GLIS3: variants seen among roughly 807,000 people sequenced by gnomAD.
The protein encoded by GLIS3 is GLIS family zinc finger 3, also known as zinc finger protein GLIS3.
GLIS3 carries 53 observed loss-of-function variants against 78.6 expected under a neutral mutation model. The observed-to-expected ratio is 0.67, with a 90% CI of 0.54 to 0.85. GLIS3 has a LOEUF of 0.85. GLIS3 is among the 40% of genes least tolerant of loss of function. GLIS3 has a pLI of 0.00. For synonymous variants in GLIS3, 684 were observed against 509.9 expected (o/e 1.34, Z -4.60); for missense variants, 1,703 against 1,231.1 (o/e 1.38, Z -5.74).
At chr9:4,353,998 T>A in the GLIS3 span, among the ~76,000 whole-genome samples, 5 of 150,304 alleles carry the variant, frequency 3.3e-5, no homozygotes, top group Non-Finnish European at 7.4e-5. Context: ...CGGCTATTTT[T>A]TTTTTTTTTT....
the GLIS3 span, among the ~76,000 whole-genome samples, chr9:4,478,248 G>A: frequency 8.4e-3 from 1,286 of 152,264 alleles, 11 homozygotes; most frequent in African/African-American, 0.03. Context: ...GATCATGATT[G>A]TAACTGATTG....
At chr9:3,851,290 G>GAAA (rs1563775092) in intron 9 of GLIS3, among the ~76,000 whole-genome samples, 1 of 152,200 alleles carries the variant, frequency 6.6e-6, no homozygotes, top group East Asian at 1.9e-4. Flanking sequence ...TAAGGAGAAA[G>GAAA]AAAAGACCGA....
the GLIS3 span, among the ~76,000 whole-genome samples, chr9:4,419,218 G>A: frequency 6.6e-6 from 1 of 152,158 alleles, no homozygotes; most frequent in African/African-American, 2.4e-5. Context: ...GACTCCACTA[G>A]GTGCTCATCT....
At chr9:3,964,024 C>T (rs1224811177) in intron 4 of GLIS3, among the ~76,000 whole-genome samples, 1 of 152,094 alleles carries the variant, frequency 6.6e-6, no homozygotes, top group African/African-American at 2.4e-5. Flanking sequence ...ACAACTGCGT[C>T]CCCGCACACT....
intron 4 of GLIS3, among the ~76,000 whole-genome samples, chr9:4,047,747 G>A (rs76496522): frequency 0.016 from 2,439 of 152,256 alleles, 77 homozygotes; most frequent in African/African-American, 0.056. Flanking sequence ...ACAGAAAAGG[G>A]AACCCTAGTT....
At chr9:4,326,108 C>A (rs1414389814) in intron 2 of GLIS3, among the ~76,000 whole-genome samples, 2 of 152,160 alleles carry the variant, frequency 1.3e-5, no homozygotes, top group Non-Finnish European at 2.9e-5. Context: ...GCTGGGCTTA[C>A]TTCCTAGGTG....
chr9:4,160,903 A>G (rs561502173), intron 2 of GLIS3, among the ~76,000 whole-genome samples: 2 of 152,256 alleles, frequency 1.3e-5, no homozygotes, highest in East Asian at 3.9e-4. Context: ...CCGTATTGGT[A>G]ATCACTGCAG....
the GLIS3 span, among the ~76,000 whole-genome samples, chr9:4,397,606 C>T: frequency 6.7e-6 from 1 of 150,220 alleles, no homozygotes; most frequent in East Asian, 2.0e-4. Context: ...GCCCATTCCC[C>T]CTGCAAAGCA....
At chr9:3,887,833 C>G (rs1342633393) in intron 7 of GLIS3, among the ~76,000 whole-genome samples, 1 of 152,174 alleles carries the variant, frequency 6.6e-6, no homozygotes, top group African/African-American at 2.4e-5. Context: ...CATTTTGTTA[C>G]CAGTAGAATG....
intron 2 of GLIS3, among the ~76,000 whole-genome samples, chr9:4,326,391 G>A (rs1817600345): frequency 6.6e-6 from 1 of 152,168 alleles, no homozygotes; most frequent in Admixed American, 6.6e-5. Flanking sequence ...GCAAGGAAAT[G>A]CGGACACATG....
At chr9:4,259,646 G>C (rs1443646934) in intron 2 of GLIS3, among the ~76,000 whole-genome samples, 1 of 152,142 alleles carries the variant, frequency 6.6e-6, no homozygotes, top group Non-Finnish European at 1.5e-5. Flanking sequence ...ATGGTGTTAT[G>C]CAAGAGTAAC....
chr9:4,012,429 G>T (rs551812507), intron 4 of GLIS3, among the ~76,000 whole-genome samples: 1 of 151,680 alleles, frequency 6.6e-6, no homozygotes, highest in Non-Finnish European at 1.5e-5. Context: ...CTGTATCAGG[G>T]GAAAAAAATA....
chr9:4,059,168 C>A (rs1033467513), intron 4 of GLIS3, among the ~76,000 whole-genome samples: 9 of 152,090 alleles, frequency 5.9e-5, no homozygotes, highest in African/African-American at 2.2e-4. Flanking sequence ...AGGCCTTGAC[C>A]TTTTGGCAAG....
At chr9:4,130,003 A>C (rs572626796) in intron 2 of GLIS3, among the ~76,000 whole-genome samples, 12 of 152,326 alleles carry the variant, frequency 7.9e-5, no homozygotes, top group Non-Finnish European at 1.5e-4. Context: ...GGTCACTTTT[A>C]TTATCCATTA....
chr9:4,284,482 C>T (rs959254079), intron 2 of GLIS3, among the ~76,000 whole-genome samples: 5 of 152,010 alleles, frequency 3.3e-5, no homozygotes, highest in African/African-American at 1.2e-4. Flanking sequence ...GACATAGCAA[C>T]CTGACAATGA....
At chr9:4,158,904 C>G (rs1441770317) in intron 2 of GLIS3, among the ~76,000 whole-genome samples, 14 of 151,946 alleles carry the variant, frequency 9.2e-5, no homozygotes. Context: ...AGCTCATAAG[C>G]TGGGATGCAA....
the GLIS3 span, among the ~76,000 whole-genome samples, chr9:4,376,610 T>C: frequency 3.0e-5 from 4 of 135,152 alleles, 1 homozygote; most frequent in Non-Finnish European, 5.0e-5. Context: ...CGTCCTAATA[T>C]GCCAGTGGGT....
In GLIS3 at chr9:3,827,431, C is replaced by T. The variant is rs1233073648; in HGVS notation, c.*841G>A. 6.6e-6 allele frequency: 1 copy of T among 152,208 alleles called. No homozygotes were observed. The highest frequency in any genetic ancestry group is 1.5e-5 in the Non-Finnish European group (1 of 68,092). 9.4% of individuals were successfully genotyped at this position (152,208 alleles called of 1,614,324 possible). A position where few individuals can be genotyped will look rare whatever the true frequency, so the allele number is the denominator to read the frequency against. On this transcript the variant is annotated 3_prime_UTR_variant, in exon 11 of 11. Coordinates refer to ENST00000381971, the MANE Select transcript of GLIS3 (RefSeq NM_001042413.2). ...ACTAAACAGTCAACTCAGGAAGGTT[C>T]CAGCTACAGGACTGTTGGTGCGGGA...
At chr9:3,961,101 G>T (rs1817518373) in intron 4 of GLIS3, among the ~76,000 whole-genome samples, 1 of 152,140 alleles carries the variant, frequency 6.6e-6, no homozygotes, top group African/African-American at 2.4e-5. Flanking sequence ...AAACTAATTT[G>T]TCACCACAAC....
Sources: gnomAD v4.1 joint callset for allele counts (sites outside exome capture counted in the v4.1 genomes callset) on GRCh38, gnomAD v4.1.1 for gene constraint, MANE v1.5 for transcripts, NCBI Gene and HGNC (gene_info 2026-07-23, HGNC 2026-07-21) for gene names.